SEC16A: variants seen among roughly 807,000 people sequenced by gnomAD.
The protein encoded by SEC16A is SEC16 homolog A, endoplasmic reticulum export factor.
SEC16A carries 110 observed loss-of-function variants against 221.9 expected under a neutral mutation model. The observed-to-expected ratio is 0.50, with a 90% CI of 0.42 to 0.58. The LOEUF (loss-of-function observed/expected upper bound fraction) is 0.58. SEC16A is among the 20% of genes least tolerant of loss of function. The pLI, the probability that SEC16A is intolerant of heterozygous loss-of-function variation, is 0.00. For missense variants in SEC16A, 3,165 were observed against 3,097.8 expected, an observed-to-expected ratio of 1.02 and a Z score of -0.52; for synonymous variants, 1,393 against 1,257.7, an observed-to-expected ratio of 1.11 and a Z score of -2.28.
intron 23 of SEC16A, 149 bp downstream of exon 23, chr9:136,451,107 C>G (rs1464175914): frequency 1.3e-6 from 1 of 774,344 alleles, no homozygotes; most frequent in East Asian, 2.7e-5. Context: ...CACAGACACC[C>G]ATCATGCCGT....
rs1841391616 is a variant in SEC16A, at chr9:136,474,732, T to C, written c.2884A>G (p.Thr962Ala). 7 of 1,613,924 alleles carry C rather than the reference T, an allele frequency of 4.3e-6. No homozygotes were observed. The East Asian group carries it at 1.3e-4, about 31-fold the overall frequency. The change falls in exon 3 of 32, where the codon ACA (threonine) becomes GCA (alanine). Residue 962 changes from threonine (T) to alanine (A), a missense_variant. Physicochemically the swap from Thr to Ala is moderately conservative, Grantham distance 58 (BLOSUM62 0). Coordinates refer to ENST00000684901, the MANE Select transcript of SEC16A (RefSeq NM_014866.2). Reference sequence around the variant, plus strand: ...GCAGGTGGAACTAACACCACACTTGTGCTTCCAGCAGGGCTATTAGCAAAT... The same window carrying C: ...GCAGGTGGAACTAACACCACACTTGCGCTTCCAGCAGGGCTATTAGCAAAT... ...PGFANSPAGS[T>A]SVVLVPPAHG... is the part of the protein sequence containing the mutation.
chr9:136,448,427 C>T lies in SEC16A; in HGVS notation c.6313-266G>A, dbSNP rs146241371. The T allele has an allele frequency of 0.014, 9,649 of 699,918 alleles. 376 individuals are homozygous for T. The highest frequency in any genetic ancestry group is 0.098 in the African/African-American group (4,765 of 48,468). 43.4% of individuals were successfully genotyped at this position (699,918 alleles called of 1,614,324 possible). ...AGGAGGATGGAGGTGGGGGGCGATC[C>T]ACAGAGACACCAGGAGGATGGAGGT... On this transcript the variant is annotated intron_variant, in intron 23 of 31. Transcript: ENST00000684901.
chr9:136,455,763 C>A lies in SEC16A; in HGVS notation c.5695G>T (p.Ala1899Ser), dbSNP rs746938982. 3 of 1,600,852 alleles carry A rather than the reference C, an allele frequency of 1.9e-6. No homozygotes were observed. In the South Asian group the frequency reaches 3.4e-5, roughly 18 times the overall value. Reference protein sequence around the residue: ...EGAGVWHQDGALPQQCPGTPS... With the variant: ...EGAGVWHQDGSLPQQCPGTPS... ...GTGCCAGGACACTGCTGCGGGAGGGCTCCATCCTGATGCCATACTCCAGCC... is the reference window on the plus strand; with the variant it reads ...GTGCCAGGACACTGCTGCGGGAGGGATCCATCCTGATGCCATACTCCAGCC... The change falls in exon 20 of 32, where the codon GCC becomes TCC. Residue 1899 changes from alanine to serine, a missense_variant. Ala to Ser is a moderately conservative substitution (Grantham distance 99). Coordinates refer to ENST00000684901, the MANE Select transcript of SEC16A (RefSeq NM_014866.2).
At chr9:136,445,964 GCTA>G in intron 28 of SEC16A, among the ~76,000 whole-genome samples, 1 of 152,288 alleles carries the variant, frequency 6.6e-6, no homozygotes, top group South Asian at 2.1e-4. Flanking sequence ...GCAATCTGGG[GCTA>G]CTGTTATTCC....
intron 31 of SEC16A, among the ~76,000 whole-genome samples, chr9:136,443,549 A>G (rs1163997316): frequency 1.3e-5 from 2 of 152,166 alleles, no homozygotes; most frequent in African/African-American, 2.4e-5. Context: ...AGGTGTGCTG[A>G]CCATGCCTGT....
Position 136,476,413 on chromosome 9 carries a change from G to A in SEC16A, c.1203C>T (p.Asp401=), listed in dbSNP as rs781168115. 1.1e-5 allele frequency: 18 copies of A among 1,612,820 alleles called. No individual in the cohort carries two copies. Among genetic ancestry groups the A allele is most frequent in the East Asian group, 2.2e-5 (1 of 44,902 alleles). Residue 401 remains aspartate, a synonymous_variant, in exon 3 of 32, where the codon GAC becomes GAT. Transcript: ENST00000684901. The part of the protein sequence containing the change: ...KAGLSGQADF[D]DFCSSPGLGR... ...CTAGCCCAGGGCTGGAGCAGAAATC[G>A]TCAAAGTCCGCTTGACCAGATAAGC... is the stretch of plus-strand genomic sequence containing the variant.
At chr9:136,464,363 CAG>C (rs1839886771) in intron 9 of SEC16A, 55 bp downstream of exon 9, 2 of 1,513,698 alleles carry the variant, frequency 1.3e-6, no homozygotes, top group African/African-American at 1.4e-5. Context: ...AACTGCAAAG[CAG>C]AGAGTTCCCC....
In SEC16A at chr9:136,476,378, G is replaced by A; in HGVS notation, c.1238C>T (p.Pro413Leu). 6.2e-7 allele frequency: 1 copy of A among 1,612,870 alleles called. No individual in the cohort carries two copies. Among genetic ancestry groups the A allele is most frequent in the Non-Finnish European group, 8.5e-7 (1 of 1,179,892 alleles). Residue 413 changes from proline to leucine, a missense_variant, in exon 3 of 32, where the codon CCC becomes CTC. By Grantham distance (98) the Pro-to-Leu change is moderately conservative (BLOSUM62 -3). Around this residue, in one of 3 missense-constraint regions of SEC16A, gnomAD observed 2,030 missense variants for 1,923.1 expected, o/e 1.06. Transcript: ENST00000684901. ...FCSSPGLGRP[P>L]APTHVGAGSL... ...GCCTGCCCCCACGTGTGTAGGTGCGGGCGGACGGCCTAGCCCAGGGCTGGA... is the reference window on the plus strand; with the variant it reads ...GCCTGCCCCCACGTGTGTAGGTGCGAGCGGACGGCCTAGCCCAGGGCTGGA...
At chr9:136,470,331 C>A (rs1361712750) in intron 4 of SEC16A, among the ~76,000 whole-genome samples, 3 of 152,236 alleles carry the variant, frequency 2.0e-5, no homozygotes, top group South Asian at 2.1e-4. Flanking sequence ...CGAGCCACCA[C>A]TGGCCTCTCA....
chr9:136,479,314 G>A (rs1377802802), intron 1 of SEC16A, among the ~76,000 whole-genome samples: 3 of 152,062 alleles, frequency 2.0e-5, no homozygotes, highest in East Asian at 1.9e-4. Flanking sequence ...GCCAATCAAA[G>A]GAAAAATTAA....
At chr9:136,451,431 A>G in intron 22 of SEC16A, 23 bp from the exon 23 acceptor site, 1 of 1,570,924 alleles carries the variant, frequency 6.4e-7, no homozygotes, top group Admixed American at 1.9e-5. Flanking sequence ...AATGCAGAAC[A>G]GGCTCTCCTG....
At position 136,448,135 on chromosome 9, in the gene SEC16A, T is replaced by C. The variant is rs759948957; in HGVS notation, c.6339A>G (p.Leu2113=). ...KKGESWFFRW[L]PGKKKTEAYL... is the part of the protein sequence containing the mutation. Reference sequence around the variant, plus strand: ...AAGCTTCTGTCTTTTTCTTTCCAGGTAGCCAACGAAAGAACCAGGATTCAC... The same window carrying C: ...AAGCTTCTGTCTTTTTCTTTCCAGGCAGCCAACGAAAGAACCAGGATTCAC... Residue 2113 remains leucine (L), a synonymous_variant, in exon 24 of 32, where the codon CTA becomes CTG. Coordinates refer to ENST00000684901, the MANE Select transcript of SEC16A (RefSeq NM_014866.2). 6.8e-6 allele frequency: 11 copies of C among 1,613,498 alleles called. 1 individual carries two copies. The Admixed American group carries it at 8.3e-5, about 12-fold the overall frequency.
At chr9:136,453,629 C>T (rs1233101346) in intron 21 of SEC16A, 119 bp from the exon 22 acceptor site, 1 of 749,168 alleles carries the variant, frequency 1.3e-6, no homozygotes. Flanking sequence ...CCAGCATGAT[C>T]TGCAGAAACC....
chr9:136,460,330 C>T (rs1485798871), intron 13 of SEC16A, among the ~76,000 whole-genome samples: 1 of 152,090 alleles, frequency 6.6e-6, no homozygotes, highest in African/African-American at 2.4e-5. Context: ...TGGTGCACAC[C>T]TATAATCCCA....
At chr9:136,481,390 A>G (rs551833418) in intron 1 of SEC16A, among the ~76,000 whole-genome samples, 306 of 152,246 alleles carry the variant, frequency 2.0e-3, no homozygotes, top group Non-Finnish European at 3.5e-3. Flanking sequence ...CGCCCGCCTC[A>G]GCCTCCCAGA....
In SEC16A at chr9:136,463,041, A is replaced by C. The variant is rs886374537; in HGVS notation, c.4739T>G (p.Ile1580Ser). Residue 1580 changes from isoleucine to serine, a missense_variant, in exon 12 of 32, where the codon ATT becomes AGT. Ile to Ser is a moderately radical substitution (Grantham distance 142, BLOSUM62 -2). Around this residue, in one of 3 missense-constraint regions of SEC16A, gnomAD observed 1,088 missense variants for 1,089.6 expected, o/e 1.00. Transcript: ENST00000684901. Reference sequence around the variant, plus strand: ...CTCCACTGCCTCATTCGTGAAATCAATCAGGTTTGCTTCATTGGGCGACTT... The same window carrying C: ...CTCCACTGCCTCATTCGTGAAATCACTCAGGTTTGCTTCATTGGGCGACTT... ...PGKSPNEANL[I>S]DFTNEAVEQV... 6.2e-7 allele frequency: 1 copy of C among 1,612,698 alleles called. No individual in the cohort carries two copies. Among genetic ancestry groups the C allele is most frequent in the Admixed American group, 1.7e-5 (1 of 60,028 alleles).
At chr9:136,473,946 G>A (rs1021624026) in intron 3 of SEC16A, 103 bp downstream of exon 3, 12 of 1,314,912 alleles carry the variant, frequency 9.1e-6, no homozygotes, top group East Asian at 7.1e-5. Flanking sequence ...GGGTGACCCC[G>A]GAACCAAGCG....
At chr9:136,444,875 G>A (rs1446842450) in intron 30 of SEC16A, among the ~76,000 whole-genome samples, 177 bp downstream of exon 30, 17 of 115,706 alleles carry the variant, frequency 1.5e-4, no homozygotes, top group African/African-American at 5.0e-4. Flanking sequence ...GCGAAACTCC[G>A]TCTCAAAAAA....
At chr9:136,443,277 T>C (rs934100271) in intron 31 of SEC16A, among the ~76,000 whole-genome samples, 19 of 151,720 alleles carry the variant, frequency 1.3e-4, no homozygotes, top group African/African-American at 3.6e-4. Flanking sequence ...CACGCAGAGC[T>C]GAGCACGGTG....
Sources: allele counts gnomAD v4.1 joint callset (sites outside exome capture counted in the v4.1 genomes callset), GRCh38; gene constraint gnomAD v4.1.1; regional missense constraint gnomAD v4.1.1; transcripts MANE v1.5; gene names NCBI Gene and HGNC (gene_info 2026-07-23, HGNC 2026-07-21).